Variants in TENM3 observed in about 807,000 individuals in gnomAD.
The protein encoded by TENM3 is teneurin-3.
Under a neutral mutation model 255.1 loss-of-function variants are expected in TENM3, and 63 were observed. The ratio of observed to expected loss-of-function variants is 0.25; its 90% CI spans 0.20 to 0.30. The LOEUF (loss-of-function observed/expected upper bound fraction) is 0.30, where lower values mean the gene tolerates loss of function less well. TENM3 is among the 10% of genes least tolerant of loss of function. The pLI is 1.00. For synonymous variants in TENM3, 1,306 were observed against 1,322.3 expected, an observed-to-expected ratio of 0.99 and a Z score of 0.27; for missense variants, 2,929 against 3,461.1, an observed-to-expected ratio of 0.85 and a Z score of 3.86.
At chr4:181,921,054 C>T in the TENM3 span, among the ~76,000 whole-genome samples, 9 of 152,080 alleles carry the variant, frequency 5.9e-5, no homozygotes, top group Middle Eastern at 3.4e-3. Context: ...AGATATTTGG[C>T]GTTATTTCTG....
chr4:181,916,142 T>G, the TENM3 span, among the ~76,000 whole-genome samples: 1 of 142,138 alleles, frequency 7.0e-6, no homozygotes. Context: ...CTCTCTCCCC[T>G]TCTTCCCTTG....
At chr4:181,669,206 A>C in the TENM3 span, among the ~76,000 whole-genome samples, 1 of 152,166 alleles carries the variant, frequency 6.6e-6, no homozygotes, top group Non-Finnish European at 1.5e-5. Flanking sequence ...TTTCTTGAAG[A>C]CTCACTACAT....
intron 1 of TENM3, among the ~76,000 whole-genome samples, chr4:182,271,633 C>A (rs759116406): frequency 1.3e-5 from 2 of 152,236 alleles, no homozygotes; most frequent in Admixed American, 6.5e-5. Context: ...ATGTGTGATG[C>A]CTTTGTCTCG....
the TENM3 span, among the ~76,000 whole-genome samples, chr4:181,827,051 T>C: frequency 6.6e-6 from 1 of 152,118 alleles, no homozygotes; most frequent in Non-Finnish European, 1.5e-5. Flanking sequence ...CAGGGAGTCC[T>C]ATAAAGCAGG....
chr4:181,764,007 A>G, the TENM3 span, among the ~76,000 whole-genome samples: 56 of 152,270 alleles, frequency 3.7e-4, no homozygotes, highest in African/African-American at 1.3e-3. Flanking sequence ...AATATAAATG[A>G]GTAATTTTTA....
the TENM3 span, among the ~76,000 whole-genome samples, chr4:181,519,814 C>T: frequency 2.0e-5 from 3 of 152,090 alleles, no homozygotes; most frequent in Non-Finnish European, 4.4e-5. Flanking sequence ...TGCCTCTAAG[C>T]CATAAAATTC....
chr4:181,847,906 CA>C, the TENM3 span, among the ~76,000 whole-genome samples: 2 of 152,048 alleles, frequency 1.3e-5, no homozygotes, highest in African/African-American at 4.8e-5. Flanking sequence ...TGTGTAATTG[CA>C]AAACCTGCTC....
intron 3 of TENM3, among the ~76,000 whole-genome samples, chr4:182,384,258 T>A (rs910063436): frequency 1.3e-5 from 2 of 152,002 alleles, no homozygotes; most frequent in Non-Finnish European, 2.9e-5. Context: ...GTTCATGTGT[T>A]TATACCCAGA....
intron 3 of TENM3, among the ~76,000 whole-genome samples, chr4:182,488,372 G>A (rs891764302): frequency 1.3e-5 from 2 of 152,166 alleles, no homozygotes; most frequent in African/African-American, 4.8e-5. Flanking sequence ...AGTTCTTTTA[G>A]ATGGTGTCAC....
At chr4:181,623,364 GT>G in the TENM3 span, among the ~76,000 whole-genome samples, 3 of 152,232 alleles carry the variant, frequency 2.0e-5, no homozygotes, top group African/African-American at 7.2e-5. Flanking sequence ...AGTTCCCACA[GT>G]CAAGTGGAGG....
At chr4:182,763,695 C>A (rs1308426596) in intron 22 of TENM3, among the ~76,000 whole-genome samples, 4 of 152,140 alleles carry the variant, frequency 2.6e-5, no homozygotes, top group Non-Finnish European at 5.9e-5. Flanking sequence ...AGAAAGGTTA[C>A]AGGAACCTTA....
chr4:182,725,872 A>C (rs1277158196), intron 13 of TENM3, among the ~76,000 whole-genome samples: 1 of 151,824 alleles, frequency 6.6e-6, no homozygotes, highest in Non-Finnish European at 1.5e-5. Context: ...TCCTTACCTC[A>C]GGTGATCCAC....
chr4:182,040,286 G>C, the TENM3 span, among the ~76,000 whole-genome samples: 1 of 145,864 alleles, frequency 6.9e-6, no homozygotes, highest in African/African-American at 2.5e-5. Flanking sequence ...GGGGAGGAGA[G>C]GGGAGAGGAG....
intron 17 of TENM3, among the ~76,000 whole-genome samples, 164 bp from the exon 18 acceptor site, chr4:182,738,236 AT>A (rs1761322519): frequency 6.6e-6 from 1 of 152,184 alleles, no homozygotes; most frequent in Non-Finnish European, 1.5e-5. Context: ...TTAAAAAAAA[AT>A]CTTTGGTGAA....
chr4:182,757,768 G>C (rs1762844600), intron 22 of TENM3, among the ~76,000 whole-genome samples: 2 of 152,118 alleles, frequency 1.3e-5, no homozygotes, highest in Middle Eastern at 3.2e-3. Flanking sequence ...AGCCAATCTT[G>C]TATATAATGG....
chr4:182,799,103 G>A lies in TENM3; in HGVS notation c.7345-493G>A, dbSNP rs1385314828. On this transcript the variant is annotated intron_variant, in intron 27 of 27. Coordinates refer to ENST00000511685, the MANE Select transcript of TENM3 (RefSeq NM_001080477.4). The surrounding 1 kb of genome is among the most constrained non-coding windows in gnomAD (Gnocchi z 4.2). Reference sequence around the variant, plus strand: ...TTCAGCTGAAAACTCTGCCAGGAGAGGGGACAGAGTTGACTTAAATACAAG... The same window carrying A: ...TTCAGCTGAAAACTCTGCCAGGAGAAGGGACAGAGTTGACTTAAATACAAG... 6.6e-6 allele frequency among the ~76,000 whole-genome samples: 1 copy of A among 152,206 alleles called. No homozygotes were observed. The highest frequency in any genetic ancestry group is 1.5e-5 in the Non-Finnish European group (1 of 68,038).
chr4:182,467,962 A>G (rs973865785), intron 3 of TENM3, among the ~76,000 whole-genome samples: 21 of 152,240 alleles, frequency 1.4e-4, no homozygotes, highest in Admixed American at 1.2e-3. Flanking sequence ...TCATTCAGGC[A>G]TAAGAGAATG....
intron 3 of TENM3, among the ~76,000 whole-genome samples, chr4:182,483,537 T>A (rs763124528): frequency 6.6e-6 from 1 of 152,148 alleles, no homozygotes; most frequent in Non-Finnish European, 1.5e-5. Context: ...ACTACTATAC[T>A]AATAACAAAA....
intron 11 of TENM3, among the ~76,000 whole-genome samples, chr4:182,683,569 A>G (rs963067272): frequency 2.0e-5 from 3 of 152,244 alleles, no homozygotes; most frequent in African/African-American, 7.2e-5. Context: ...TGTGAGAAAT[A>G]TCATTATATT....
Sources: gnomAD v4.1 joint callset for allele counts (sites outside exome capture counted in the v4.1 genomes callset) on GRCh38, gnomAD v4.1.1 for gene constraint, Gnocchi (gnomAD v3.1) non-coding constraint, MANE v1.5 for transcripts, NCBI Gene and HGNC (gene_info 2026-07-23, HGNC 2026-07-21) for gene names.